RAD51B: variants seen among roughly 807,000 people sequenced by gnomAD.
RAD51B encodes the protein DNA repair protein RAD51 homolog 2.
Under a neutral mutation model 42.2 loss-of-function variants are expected in RAD51B, and 38 were observed. The ratio of observed to expected loss-of-function variants is 0.90; its 90% CI spans 0.70 to 1.18. The LOEUF (loss-of-function observed/expected upper bound fraction) is 1.18. Ranked by LOEUF, RAD51B falls within the 50% of genes most tolerant of loss-of-function variation. The pLI, the probability that RAD51B is intolerant of heterozygous loss-of-function variation, is 0.00. For synonymous variants in RAD51B, 154 were observed against 145.2 expected, an observed-to-expected ratio of 1.06 and a Z score of -0.43; for missense variants, 373 against 400.7, an observed-to-expected ratio of 0.93 and a Z score of 0.59.
intron 7 of RAD51B, among the ~76,000 whole-genome samples, chr14:67,914,987 A>C (rs528643971): frequency 6.6e-6 from 1 of 152,340 alleles, no homozygotes; most frequent in African/African-American, 2.4e-5. Context: ...GGGTATATCA[A>C]ATACTACATG....
rs11624333 is a variant in RAD51B at position 68,513,118 on chromosome 14, T to C, written c.1036+44868T>C. Among the ~76,000 whole-genome samples the C allele has an allele frequency of 0.18, 27,659 of 152,074 alleles. 3,225 individuals are homozygous for C. The highest frequency in any genetic ancestry group is 0.27 in the Non-Finnish European group (18,050 of 67,940). On this transcript the variant is annotated intron_variant, in intron 10 of 10. Transcript: ENST00000487270. ...TGGAAGTGGTGACTTTGGGTTTTGT[T>C]CTGAGCTTCACAGGATGTCCTTGGA... is the stretch of plus-strand genomic sequence containing the variant.
chr14:68,426,084 T>C (rs1033578777), intron 9 of RAD51B, among the ~76,000 whole-genome samples: 1 of 151,552 alleles, frequency 6.6e-6, no homozygotes, highest in Non-Finnish European at 1.5e-5. Flanking sequence ...TTTTTTGTTT[T>C]TGAGATGGAG....
chr14:67,892,806 G>T (rs2140069469), intron 7 of RAD51B, among the ~76,000 whole-genome samples: 2 of 152,348 alleles, frequency 1.3e-5, no homozygotes, highest in Admixed American at 1.3e-4. Flanking sequence ...GGACATTAAG[G>T]CTTGAGTGAA....
intron 7 of RAD51B, among the ~76,000 whole-genome samples, chr14:67,976,160 A>G (rs1394308485): frequency 6.6e-6 from 1 of 151,306 alleles, no homozygotes; most frequent in African/African-American, 2.4e-5. Flanking sequence ...TCTGCTGTCC[A>G]GGCTGGAGTG....
intron 7 of RAD51B, among the ~76,000 whole-genome samples, chr14:68,199,147 T>A (rs915117585): frequency 2.0e-5 from 3 of 152,240 alleles, no homozygotes; most frequent in Non-Finnish European, 4.4e-5. Flanking sequence ...CTGACTCTTT[T>A]GACATGCTCC....
At chr14:67,956,485 A>C (rs1249293318) in intron 7 of RAD51B, among the ~76,000 whole-genome samples, 1 of 152,038 alleles carries the variant, frequency 6.6e-6, no homozygotes, top group Non-Finnish European at 1.5e-5. Flanking sequence ...CTCCGTCTAA[A>C]ATGAAATGAA....
intron 7 of RAD51B, among the ~76,000 whole-genome samples, chr14:67,904,708 T>G: frequency 6.6e-6 from 1 of 151,868 alleles, no homozygotes; most frequent in East Asian, 1.9e-4. Context: ...GATTGTGTGT[T>G]TGTCTTCTTT....
intron 10 of RAD51B, among the ~76,000 whole-genome samples, chr14:68,516,169 A>G (rs1417773929): frequency 3.3e-5 from 5 of 152,196 alleles, no homozygotes; most frequent in Non-Finnish European, 5.9e-5. Context: ...ACTTTGCTAT[A>G]CAGCAATAGA....
At chr14:68,030,195 G>A (rs2076019736) in intron 7 of RAD51B, among the ~76,000 whole-genome samples, 1 of 152,158 alleles carries the variant, frequency 6.6e-6, no homozygotes, top group South Asian at 2.1e-4. Context: ...GTCACCAGCT[G>A]CATTAGCCCA....
chr14:68,186,635 C>T (rs1195688725), intron 7 of RAD51B, among the ~76,000 whole-genome samples: 1 of 152,086 alleles, frequency 6.6e-6, no homozygotes, highest in Non-Finnish European at 1.5e-5. Context: ...CACTAATCAT[C>T]AGAGAAATGC....
chr14:68,429,648 G>A (rs758448290), intron 9 of RAD51B, among the ~76,000 whole-genome samples: 57 of 152,136 alleles, frequency 3.7e-4, no homozygotes, highest in Non-Finnish European at 7.1e-4. Context: ...GTGGATATTA[G>A]CCCTTTGTCA....
At chr14:67,941,989 C>G (rs1393940347) in intron 7 of RAD51B, among the ~76,000 whole-genome samples, 2 of 152,118 alleles carry the variant, frequency 1.3e-5, no homozygotes, top group African/African-American at 4.8e-5. Context: ...GGGTAGAAAA[C>G]TGTTTGCTTT....
intron 7 of RAD51B, among the ~76,000 whole-genome samples, chr14:68,197,351 T>C (rs1246200658): frequency 1.3e-5 from 2 of 152,302 alleles, no homozygotes; most frequent in Middle Eastern, 3.4e-3. Flanking sequence ...GTTTTGTGTG[T>C]ATTTTTTGTT....
At chr14:67,956,807 A>G (rs1022319488) in intron 7 of RAD51B, among the ~76,000 whole-genome samples, 2 of 152,236 alleles carry the variant, frequency 1.3e-5, no homozygotes, top group African/African-American at 2.4e-5. Context: ...TAGTTTCACT[A>G]GTTACATTTC....
chr14:67,980,638 C>T (rs957091430), intron 7 of RAD51B, among the ~76,000 whole-genome samples: 3 of 152,092 alleles, frequency 2.0e-5, no homozygotes, highest in Non-Finnish European at 2.9e-5. Context: ...AGGCAATTCA[C>T]GGGTGAAGGG....
At chr14:67,961,430 C>CT (rs1323999883) in intron 7 of RAD51B, among the ~76,000 whole-genome samples, 5 of 152,218 alleles carry the variant, frequency 3.3e-5, no homozygotes, top group African/African-American at 1.2e-4. Flanking sequence ...TTCATATCCA[C>CT]TGTGTATCTG....
rs56704300 is a variant in RAD51B, at chr14:68,258,443, T to TCA, written c.757-33426_757-33425dup. The stretch of plus-strand genomic sequence containing the variant: ...CACACACACACACACTCTCTCTCTC[T>TCA]CACACACACACACACAATTTGAAAC... On this transcript the variant is annotated intron_variant, in intron 7 of 10. Coordinates refer to ENST00000471583, the MANE Select transcript of RAD51B (RefSeq NM_133510.4). 8.1e-4 allele frequency among the ~76,000 whole-genome samples: 122 copies of TCA among 150,102 alleles called. 1 individual carries two copies. Among genetic ancestry groups the TCA allele is most frequent in the African/African-American group, 1.9e-3 (78 of 40,542 alleles).
chr14:68,198,159 A>G (rs1221094338), intron 7 of RAD51B, among the ~76,000 whole-genome samples: 2 of 151,938 alleles, frequency 1.3e-5, no homozygotes, highest in East Asian at 3.9e-4. Context: ...TTTTTTTCCC[A>G]TATATTTTTC....
chr14:67,840,150 CA>C (rs1294935626), intron 4 of RAD51B, among the ~76,000 whole-genome samples: 13 of 152,114 alleles, frequency 8.5e-5, no homozygotes, highest in African/African-American at 2.2e-4. Context: ...ATTTTAGGTT[CA>C]GGGGGTATAT....
Sources: gnomAD v4.1 joint callset for allele counts (sites outside exome capture counted in the v4.1 genomes callset) on GRCh38, gnomAD v4.1.1 for gene constraint, MANE v1.5 for transcripts, NCBI Gene and HGNC (gene_info 2026-07-23, HGNC 2026-07-21) for gene names.